Variants in NEURL1 observed in about 807,000 individuals in gnomAD.
The protein encoded by NEURL1 is E3 ubiquitin-protein ligase NEURL1.
In NEURL1, 26 loss-of-function variants were observed where a neutral mutation model predicts 41.2. The observed-to-expected ratio is 0.63, with a 90% CI of 0.46 to 0.87. The LOEUF (loss-of-function observed/expected upper bound fraction) is 0.87. Among genes scored for constraint, NEURL1 ranks in the 40% least tolerant of loss-of-function variants. The probability of loss-of-function intolerance (pLI) is 0.00; values close to 1 mark genes in which losing one functional copy is unlikely to be tolerated. For missense variants in NEURL1, 761 were observed against 871.1 expected, an observed-to-expected ratio of 0.87 and a Z score of 1.59; for synonymous variants, 400 against 402.3, an observed-to-expected ratio of 0.99 and a Z score of 0.07.
At position 103,584,633 on chromosome 10, in the gene NEURL1, G is replaced by A. The variant is rs754819189; in HGVS notation, c.747G>A (p.Ser249=). 2.1e-6 allele frequency: 3 copies of A among 1,432,348 alleles called. No homozygotes were observed. The highest frequency in any genetic ancestry group is 1.8e-6 in the Non-Finnish European group (2 of 1,099,828). 88.7% of individuals were successfully genotyped at this position (1,432,348 alleles called of 1,614,324 possible). ...GCGAGGCGGACGACGCGCGCCTCTCGGTGAGCCTATGCGACCTCAACGTGC... is the reference window on the plus strand; with the variant it reads ...GCGAGGCGGACGACGCGCGCCTCTCAGTGAGCCTATGCGACCTCAACGTGC... ...LRREADDARL[S]VSLCDLNVPG... is the part of the protein sequence containing the mutation. Residue 249 remains serine, a synonymous_variant, in exon 4 of 6, where the codon TCG becomes TCA. Transcript: ENST00000369780.
Position 103,590,435 on chromosome 10 carries a change from GAACAA to G in NEURL1, c.*64_*68del. Reference sequence around the variant, plus strand: ...GGGCTTCAGCCCAGTCCCAGCTGAGGAACAAGCCAGTGGGGCCCCTTCTCTTCCTC... The same window carrying G: ...GGGCTTCAGCCCAGTCCCAGCTGAGGGCCAGTGGGGCCCCTTCTCTTCCTC... On this transcript the variant is annotated 3_prime_UTR_variant, in exon 6 of 6. Coordinates refer to ENST00000369780, the MANE Select transcript of NEURL1 (RefSeq NM_004210.5). 1.7e-5 allele frequency: 24 copies of G among 1,443,102 alleles called. No homozygotes were observed. Among genetic ancestry groups the G allele is most frequent in the Non-Finnish European group, 2.3e-5 (24 of 1,032,112 alleles). 89.4% of individuals were successfully genotyped at this position (1,443,102 alleles called of 1,614,324 possible).
Position 103,494,020 on chromosome 10 carries a change from G to A in NEURL1, c.-368G>A, listed in dbSNP as rs1327702353. The A allele has an allele frequency of 1.1e-5, 2 of 190,298 alleles. No homozygotes were observed. Among genetic ancestry groups the A allele is most frequent in the Non-Finnish European group, 2.1e-5 (2 of 94,322 alleles). 11.8% of individuals were successfully genotyped at this position (190,298 alleles called of 1,614,324 possible). The stretch of plus-strand genomic sequence containing the variant: ...CGACCCTGACTCTATGGCCCCGGGG[G>A]AGCGCGCCGGAGCCGCCGCGCCGCC... On this transcript the variant is annotated 5_prime_UTR_variant, in exon 1 of 6. Coordinates refer to ENST00000369780, the MANE Select transcript of NEURL1 (RefSeq NM_004210.5).
At position 103,494,447 on chromosome 10, in the gene NEURL1, G is replaced by A; in HGVS notation, c.60G>A (p.Pro20=). 1 of 1,595,786 alleles carries A rather than the reference G, an allele frequency of 6.3e-7. No individual in the cohort carries two copies. The highest frequency in any genetic ancestry group is 8.5e-7 in the Non-Finnish European group (1 of 1,171,528). ...SLPRGNPSRA[P]RGHPQNLKDS... is the part of the protein sequence containing the mutation. Reference sequence around the variant, plus strand: ...CCCGAGGAAACCCGAGCCGCGCGCCGCGGGGCCACCCCCAGAACCTCAAAG... The same window carrying A: ...CCCGAGGAAACCCGAGCCGCGCGCCACGGGGCCACCCCCAGAACCTCAAAG... The change falls in exon 1 of 6, where the codon CCG becomes CCA. Residue 20 remains proline, a synonymous_variant. Transcript: ENST00000369780.
rs762051309 is a variant in NEURL1, at chr10:103,494,352, C to A, written c.-36C>A. 7.2e-6 allele frequency: 11 copies of A among 1,536,270 alleles called. No homozygotes were observed. In the Admixed American group the frequency reaches 7.7e-5, roughly 11 times the overall value. The stretch of plus-strand genomic sequence containing the variant: ...CTCAGCGCCTGCCCGGCCTCGCCCC[C>A]ACCCGCGAGCGCCGAACCTCCTGGG... On this transcript the variant is annotated 5_prime_UTR_variant, in exon 1 of 6. Coordinates refer to ENST00000369780, the MANE Select transcript of NEURL1 (RefSeq NM_004210.5).
intron 4 of NEURL1, among the ~76,000 whole-genome samples, chr10:103,588,474 C>T (rs2035969163): frequency 6.6e-6 from 1 of 151,854 alleles, no homozygotes; most frequent in Non-Finnish European, 1.5e-5. Flanking sequence ...TCAGGGCGGC[C>T]CAGAGGAAGG....
rs1239688955 is a variant in NEURL1 at position 103,584,909 on chromosome 10, G to A, written c.1023G>A (p.Lys341=). Residue 341 remains lysine (K), a synonymous_variant, in exon 4 of 6, where the codon AAG becomes AAA. Coordinates refer to ENST00000369780, the MANE Select transcript of NEURL1 (RefSeq NM_004210.5). The stretch of plus-strand genomic sequence containing the variant: ...GCGTGGCCGAGACCATCTTCGTCAA[G>A]GTCACGCGCTCGGGTGGCGCGCGGC... ...PVRVAETIFV[K]VTRSGGARPG... is the part of the protein sequence containing the mutation. The A allele has an allele frequency of 1.8e-5, 26 of 1,468,906 alleles. No homozygotes were observed. Among genetic ancestry groups the A allele is most frequent in the Non-Finnish European group, 2.3e-5 (26 of 1,117,936 alleles). 91.0% of individuals were successfully genotyped at this position (1,468,906 alleles called of 1,614,324 possible).
intron 1 of NEURL1, among the ~76,000 whole-genome samples, chr10:103,519,397 G>A (rs909911419): frequency 1.3e-5 from 2 of 152,236 alleles, no homozygotes; most frequent in Non-Finnish European, 2.9e-5. Context: ...TAATTGATAC[G>A]TGATTGCCAG....
chr10:103,527,125 C>G (rs1279536472), intron 1 of NEURL1, among the ~76,000 whole-genome samples: 1 of 152,004 alleles, frequency 6.6e-6, no homozygotes, highest in Non-Finnish European at 1.5e-5. Context: ...GAGAGTTCCT[C>G]CTCCCTTTAG....
rs959167767 is a variant in NEURL1 at position 103,555,498 on chromosome 10, G to A, written c.86-15374G>A. ...CCGGGCGGAGGGGCGCTGGGGCTGA[G>A]GGCTTGGTCATGCCCCTACTTCTCA... On this transcript the variant is annotated intron_variant, in intron 1 of 5. Transcript: ENST00000369780. The A allele has an allele frequency of 6.7e-6, 8 of 1,191,288 alleles. No individual in the cohort carries two copies. The African/African-American group carries it at 1.3e-4, about 19-fold the overall frequency. 73.8% of individuals were successfully genotyped at this position (1,191,288 alleles called of 1,614,324 possible).
At chr10:103,503,977 T>TATC (rs2033888808) in intron 1 of NEURL1, among the ~76,000 whole-genome samples, 1 of 148,986 alleles carries the variant, frequency 6.7e-6, no homozygotes, top group Admixed American at 6.7e-5. Context: ...ATTTATTTAT[T>TATC]TATTTATTTA....
Position 103,526,459 on chromosome 10 carries a change from T to C in NEURL1, c.85+31987T>C, listed in dbSNP as rs1319027787. 2.0e-5 allele frequency among the ~76,000 whole-genome samples: 3 copies of C among 152,132 alleles called. No individual in the cohort carries two copies. In the East Asian group the frequency reaches 5.8e-4, roughly 29 times the overall value. ...TTTATATTTCTTCTTGGTTCAATCT[T>C]GGTAGATTTCATGTGTCCAGGAATT... is the stretch of plus-strand genomic sequence containing the variant. On this transcript the variant is annotated intron_variant, in intron 1 of 5. Coordinates refer to ENST00000369780, the MANE Select transcript of NEURL1 (RefSeq NM_004210.5).
chr10:103,509,334 TA>T (rs1289399437), intron 1 of NEURL1, among the ~76,000 whole-genome samples: 1 of 151,998 alleles, frequency 6.6e-6, no homozygotes, highest in Non-Finnish European at 1.5e-5. Flanking sequence ...GATTTCGTCA[TA>T]GGGGAACAGC....
At chr10:103,514,152 G>T (rs1332487758) in intron 1 of NEURL1, among the ~76,000 whole-genome samples, 1 of 151,154 alleles carries the variant, frequency 6.6e-6, no homozygotes, top group African/African-American at 2.4e-5. Context: ...GTAGTGGCAC[G>T]ATCTTGGCTC....
In NEURL1 at chr10:103,576,889, C is replaced by T. The variant is rs3781369; in HGVS notation, c.649+5067C>T. On this transcript the variant is annotated intron_variant, in intron 3 of 5. Coordinates refer to ENST00000369780, the MANE Select transcript of NEURL1 (RefSeq NM_004210.5). ...GTGCTGCTGGGTGGGTTCTCCAGGC[C>T]CCCTGGAGATAGGGGCCTAGGTCAG... 2.6e-4 allele frequency among the ~76,000 whole-genome samples: 40 copies of T among 152,198 alleles called. 2 individuals are homozygous for T. The East Asian group carries it at 7.7e-3, about 29-fold the overall frequency.
At chr10:103,576,258 C>T (rs1261955012) in intron 3 of NEURL1, among the ~76,000 whole-genome samples, 1 of 152,104 alleles carries the variant, frequency 6.6e-6, no homozygotes, top group African/African-American at 2.4e-5. Flanking sequence ...AGTTTTAAGT[C>T]AGGAACTAAG....
chr10:103,519,387 T>C (rs922888279), intron 1 of NEURL1, among the ~76,000 whole-genome samples: 1 of 152,264 alleles, frequency 6.6e-6, no homozygotes, highest in Non-Finnish European at 1.5e-5. Context: ...ATAAATGAGA[T>C]AATTGATACG....
chr10:103,571,243 T>C, intron 2 of NEURL1, 130 bp downstream of exon 2: 2 of 994,560 alleles, frequency 2.0e-6, no homozygotes, highest in Middle Eastern at 3.0e-4. Flanking sequence ...TGCCCCTGCC[T>C]TTCCTCTCTG....
At chr10:103,527,918 T>A (rs1381789189) in intron 1 of NEURL1, among the ~76,000 whole-genome samples, 1 of 152,150 alleles carries the variant, frequency 6.6e-6, no homozygotes, top group Non-Finnish European at 1.5e-5. Context: ...AGGAGCTCAG[T>A]CAGAAAACAT....
At chr10:103,559,485 T>G (rs1351879694) in intron 1 of NEURL1, among the ~76,000 whole-genome samples, 1 of 140,254 alleles carries the variant, frequency 7.1e-6, no homozygotes, top group African/African-American at 2.7e-5. Flanking sequence ...GAGGGGTGGG[T>G]GGGGTAGCCA....
Sources: gnomAD v4.1 joint callset for allele counts (sites outside exome capture counted in the v4.1 genomes callset) on GRCh38, gnomAD v4.1.1 for gene constraint, MANE v1.5 for transcripts, NCBI Gene and HGNC (gene_info 2026-07-23, HGNC 2026-07-21) for gene names.